The following SPOCK3 variants were observed in gnomAD, a reference collection of about 807,000 sequenced individuals.
The protein encoded by SPOCK3 is SPARC (osteonectin), cwcv and kazal like domains proteoglycan 3.
In SPOCK3, 30 loss-of-function variants were observed where a neutral mutation model predicts 56.6. The ratio of observed to expected loss-of-function variants is 0.53; its 90% CI spans 0.40 to 0.72. SPOCK3 has a LOEUF of 0.72. Among genes scored for constraint, SPOCK3 ranks in the 30% least tolerant of loss-of-function variants. The pLI, the probability that SPOCK3 is intolerant of heterozygous loss-of-function variation, is 0.00. For synonymous variants in SPOCK3, 196 were observed against 183.3 expected (o/e 1.07, Z -0.56); for missense variants, 527 against 530.0 (o/e 0.99, Z 0.06).
rs201922172 is a variant in SPOCK3 at position 166,797,307 on chromosome 4, CT to C, written c.590-5019del. ...GCTGGAGTGCAATGTTTCTAAGTGG[CT>C]TTTTTTTTTTTTTTAAACAAAGCTT... On this transcript the variant is annotated intron_variant, in intron 6 of 10. Coordinates refer to ENST00000357545, the MANE Select transcript of SPOCK3 (RefSeq NM_001040159.2). Among the ~76,000 whole-genome samples, 436 of 53,200 alleles carry C rather than the reference CT, an allele frequency of 8.2e-3. 2 individuals carry two copies. Among genetic ancestry groups the C allele is most frequent in the East Asian group, 0.036 (44 of 1,220 alleles). The allele number at this position is 53,200 out of a possible 152,430, so 34.9% of individuals were successfully genotyped here. A position where few individuals can be genotyped will look rare whatever the true frequency, so the allele number is the denominator to read the frequency against.
intron 2 of SPOCK3, among the ~76,000 whole-genome samples, chr4:167,123,796 T>G (rs1468023573): frequency 1.3e-5 from 2 of 148,384 alleles, no homozygotes; most frequent in Non-Finnish European, 3.0e-5. Context: ...CAGGCTGGAG[T>G]GCAATGGTGC....
chr4:166,879,937 G>A (rs916340879), intron 6 of SPOCK3, among the ~76,000 whole-genome samples: 2 of 152,072 alleles, frequency 1.3e-5, no homozygotes, highest in Non-Finnish European at 2.9e-5. Flanking sequence ...TGTAAGACAT[G>A]CCTGCTTCCC....
intron 6 of SPOCK3, among the ~76,000 whole-genome samples, chr4:166,839,750 T>C (rs931989315): frequency 6.6e-6 from 1 of 152,200 alleles, no homozygotes; most frequent in Non-Finnish European, 1.5e-5. Flanking sequence ...TGGGCTTTTC[T>C]TAACAAATTA....
At chr4:167,119,312 A>G (rs1761679674) in intron 2 of SPOCK3, among the ~76,000 whole-genome samples, 1 of 152,188 alleles carries the variant, frequency 6.6e-6, no homozygotes, top group African/African-American at 2.4e-5. Context: ...GGGTGTGATC[A>G]GAGAGTAATC....
chr4:167,124,206 C>A (rs1201177763), intron 2 of SPOCK3, among the ~76,000 whole-genome samples: 1 of 152,114 alleles, frequency 6.6e-6, no homozygotes, highest in African/African-American at 2.4e-5. Context: ...AATTTGTTTT[C>A]TTTTTAACCT....
At chr4:166,820,894 T>G (rs1302729147) in intron 6 of SPOCK3, among the ~76,000 whole-genome samples, 2 of 152,024 alleles carry the variant, frequency 1.3e-5, no homozygotes, top group Non-Finnish European at 2.9e-5. Flanking sequence ...TTTGGTTAGA[T>G]GATGACGTCT....
At chr4:166,863,073 C>T (rs1297017382) in intron 6 of SPOCK3, among the ~76,000 whole-genome samples, 2 of 151,992 alleles carry the variant, frequency 1.3e-5, no homozygotes, top group Non-Finnish European at 2.9e-5. Context: ...TCTGCCGAAA[C>T]CCTACAAGCC....
intron 2 of SPOCK3, among the ~76,000 whole-genome samples, chr4:167,177,459 T>C (rs916864251): frequency 6.6e-6 from 1 of 152,054 alleles, no homozygotes; most frequent in Non-Finnish European, 1.5e-5. Flanking sequence ...TTGGATTTAA[T>C]ACTTGTGGCA....
At chr4:167,017,628 A>G (rs1357156114) in intron 3 of SPOCK3, among the ~76,000 whole-genome samples, 2 of 152,126 alleles carry the variant, frequency 1.3e-5, no homozygotes. Context: ...GAGACTTAAC[A>G]TCCAATGCAG....
chr4:167,200,409 A>G (rs527310865), intron 2 of SPOCK3, among the ~76,000 whole-genome samples: 2 of 152,196 alleles, frequency 1.3e-5, no homozygotes, highest in African/African-American at 4.8e-5. Context: ...TTCATTAACT[A>G]AATTTACAGG....
intron 5 of SPOCK3, among the ~76,000 whole-genome samples, chr4:166,901,081 A>G (rs1735998330): frequency 1.3e-5 from 2 of 152,100 alleles, no homozygotes; most frequent in East Asian, 1.9e-4. Context: ...TAACCTTACC[A>G]GAGAAGTCTA....
At chr4:167,212,534 C>T (rs1006361177) in intron 2 of SPOCK3, among the ~76,000 whole-genome samples, 7 of 152,132 alleles carry the variant, frequency 4.6e-5, no homozygotes, top group Non-Finnish European at 1.0e-4. Flanking sequence ...AGCCACGGCG[C>T]CCAGCCAAAG....
intron 3 of SPOCK3, among the ~76,000 whole-genome samples, chr4:167,017,928 G>T (rs1750792751): frequency 6.6e-6 from 1 of 151,946 alleles, no homozygotes. Flanking sequence ...TTATTCAATT[G>T]TTATCTAATT....
chr4:166,823,414 G>A (rs80149495), intron 6 of SPOCK3, among the ~76,000 whole-genome samples: 1,526 of 152,148 alleles, frequency 0.01, 11 homozygotes, highest in Middle Eastern at 0.031. Flanking sequence ...ATGTGAGAAA[G>A]AGGTAAACTT....
chr4:166,891,934 T>C (rs1057051249), intron 5 of SPOCK3, among the ~76,000 whole-genome samples: 9 of 152,020 alleles, frequency 5.9e-5, no homozygotes, highest in African/African-American at 2.2e-4. Context: ...AGATGTGTTA[T>C]ACCACACTCA....
intron 3 of SPOCK3, among the ~76,000 whole-genome samples, chr4:167,026,916 G>T (rs374951056): frequency 5.0e-4 from 76 of 150,928 alleles, no homozygotes; most frequent in African/African-American, 1.7e-3. Flanking sequence ...GACTGAAGAG[G>T]ATCAGAGAAT....
chr4:166,979,379 A>G (rs1383049101), intron 4 of SPOCK3, among the ~76,000 whole-genome samples: 2 of 152,256 alleles, frequency 1.3e-5, no homozygotes, highest in South Asian at 4.1e-4. Context: ...ACAATAAACC[A>G]ACATAAAACA....
chr4:166,816,313 A>C (rs1271915821), intron 6 of SPOCK3, among the ~76,000 whole-genome samples: 2 of 152,234 alleles, frequency 1.3e-5, no homozygotes, highest in Middle Eastern at 3.4e-3. Context: ...TGTAATTTTT[A>C]GTATGTGCTG....
At chr4:167,040,298 G>C (rs545510861) in intron 3 of SPOCK3, among the ~76,000 whole-genome samples, 2 of 152,126 alleles carry the variant, frequency 1.3e-5, no homozygotes, top group African/African-American at 4.8e-5. Context: ...GGAAGGCACA[G>C]CACTCAGTGA....
Sources: gnomAD v4.1 joint callset for allele counts (sites outside exome capture counted in the v4.1 genomes callset) on GRCh38, gnomAD v4.1.1 for gene constraint, MANE v1.5 for transcripts, NCBI Gene and HGNC (gene_info 2026-07-23, HGNC 2026-07-21) for gene names.